Variants in RTN4RL1 observed in about 807,000 individuals in gnomAD.
RTN4RL1 encodes reticulon-4 receptor-like 1.
In RTN4RL1, 7 loss-of-function variants were observed where a neutral mutation model predicts 25.6. That is an observed-to-expected ratio of 0.27 (90% confidence interval 0.16 to 0.51). The LOEUF (loss-of-function observed/expected upper bound fraction) is 0.51. Ranked by LOEUF, RTN4RL1 falls within the 20% of genes least tolerant of loss-of-function variation. The pLI is 0.97. For missense variants in RTN4RL1, 500 were observed against 615.6 expected (o/e 0.81, Z 1.99); for synonymous variants, 297 against 288.2 (o/e 1.03, Z -0.31).
chr17:1,936,430 A>C lies in RTN4RL1; in HGVS notation c.*66T>G. On this transcript the variant is annotated 3_prime_UTR_variant, in exon 2 of 2. Transcript: ENST00000331238. ...CAGCAGATCTTCCACTTGTTAAAAAAAGAAGAAAATAAATTCTGTTCCTTG... is the reference window on the plus strand; with the variant it reads ...CAGCAGATCTTCCACTTGTTAAAAACAGAAGAAAATAAATTCTGTTCCTTG... The C allele has an allele frequency of 1.4e-6, 2 of 1,468,752 alleles. No individual in the cohort carries two copies. Among genetic ancestry groups the C allele is most frequent in the South Asian group, 2.7e-5 (2 of 73,766 alleles). The allele number at this position is 1,468,752 out of a possible 1,614,324, so 91.0% of individuals were successfully genotyped here.
At chr17:1,939,427 T>C (rs1488830805) in intron 1 of RTN4RL1, among the ~76,000 whole-genome samples, 2 of 152,102 alleles carry the variant, frequency 1.3e-5, no homozygotes, top group Non-Finnish European at 2.9e-5. Flanking sequence ...CTGGCAGAGC[T>C]GTGTGGATGT....
intron 1 of RTN4RL1, among the ~76,000 whole-genome samples, chr17:1,955,085 G>A (rs1173700689): frequency 6.6e-6 from 1 of 151,968 alleles, no homozygotes; most frequent in Non-Finnish European, 1.5e-5. Context: ...CCTGAGCGCC[G>A]CCCTTTCACT....
At chr17:1,991,455 A>C (rs1223158069) in intron 1 of RTN4RL1, among the ~76,000 whole-genome samples, 3 of 144,590 alleles carry the variant, frequency 2.1e-5, no homozygotes, top group African/African-American at 7.8e-5. Flanking sequence ...GTAAAAAAAA[A>C]AAAAAAAACA....
chr17:2,016,667 G>T (rs2151329052), intron 1 of RTN4RL1, among the ~76,000 whole-genome samples: 1 of 152,380 alleles, frequency 6.6e-6, no homozygotes, highest in East Asian at 1.9e-4. Flanking sequence ...GAGAGACGCA[G>T]CGTGTGGCAT....
chr17:2,012,205 A>G (rs2067058799), intron 1 of RTN4RL1, among the ~76,000 whole-genome samples: 2 of 152,196 alleles, frequency 1.3e-5, no homozygotes. Flanking sequence ...TTTTGTTCCA[A>G]ACACATCTGC....
intron 1 of RTN4RL1, among the ~76,000 whole-genome samples, chr17:1,966,295 G>C (rs2066791049): frequency 6.6e-6 from 1 of 152,234 alleles, no homozygotes; most frequent in South Asian, 2.1e-4. Context: ...TGTGTGTTGA[G>C]CTGTTACCTG....
intron 1 of RTN4RL1, among the ~76,000 whole-genome samples, chr17:1,949,513 C>T (rs903833431): frequency 6.6e-6 from 1 of 152,216 alleles, no homozygotes; most frequent in Admixed American, 6.5e-5. Context: ...CTGCCAGGGT[C>T]CTTGTTCCCC....
At chr17:1,938,561 G>GT (rs1915364280) in intron 1 of RTN4RL1, among the ~76,000 whole-genome samples, 1 of 151,752 alleles carries the variant, frequency 6.6e-6, no homozygotes, top group South Asian at 2.1e-4. Context: ...GCCTCCCAAA[G>GT]TGCTGGGATT....
At chr17:2,010,383 A>T (rs1167289261) in intron 1 of RTN4RL1, among the ~76,000 whole-genome samples, 1 of 152,158 alleles carries the variant, frequency 6.6e-6, no homozygotes, top group Non-Finnish European at 1.5e-5. Flanking sequence ...AGGCTGAGGC[A>T]CGAGAATCGC....
In RTN4RL1 at chr17:1,995,191, C is replaced by T. The variant is rs535212643; in HGVS notation, c.13+29662G>A. On this transcript the variant is annotated intron_variant, in intron 1 of 1. Transcript: ENST00000331238. ...AGCACTTTGGGAGGCCAAGGGAGGC[C>T]AAGGCGGGTGGATCACCTGAGGACA... Among the ~76,000 whole-genome samples the T allele has an allele frequency of 1.1e-4, 16 of 152,216 alleles. No homozygotes were observed. The East Asian group carries it at 3.1e-3, about 29-fold the overall frequency.
At chr17:1,978,832 C>T (rs957686235) in intron 1 of RTN4RL1, among the ~76,000 whole-genome samples, 4 of 152,352 alleles carry the variant, frequency 2.6e-5, no homozygotes, top group Admixed American at 6.5e-5. Flanking sequence ...AGCTCCCCAC[C>T]ACACCCCACT....
chr17:2,002,723 A>T (rs1041997706), intron 1 of RTN4RL1, among the ~76,000 whole-genome samples: 1 of 151,382 alleles, frequency 6.6e-6, no homozygotes. Flanking sequence ...AGATTGTGAC[A>T]TGGCTAGCTT....
intron 1 of RTN4RL1, among the ~76,000 whole-genome samples, chr17:1,968,609 C>T (rs1016110051): frequency 6.6e-6 from 1 of 152,302 alleles, no homozygotes; most frequent in African/African-American, 2.4e-5. Context: ...AGCTAATGTT[C>T]CCTGCATGTG....
chr17:1,994,096 C>A lies in RTN4RL1; in HGVS notation c.13+30757G>T, dbSNP rs2066920275. ...CCTCAGGACACGTGCACTCGAACCT[C>A]GCCGCTCCGGGTCCCAATCTGTGGA... On this transcript the variant is annotated intron_variant, in intron 1 of 1. Coordinates refer to ENST00000331238, the MANE Select transcript of RTN4RL1 (RefSeq NM_178568.4). This position sits in a 1 kb window ranked among gnomAD's most constrained non-coding sequence, Gnocchi z 4.3. Among the ~76,000 whole-genome samples, 1 of 152,134 alleles carries A rather than the reference C, an allele frequency of 6.6e-6. No homozygotes were observed. The highest frequency in any genetic ancestry group is 1.5e-5 in the Non-Finnish European group (1 of 68,030).
At chr17:1,949,258 G>A (rs573363835) in intron 1 of RTN4RL1, among the ~76,000 whole-genome samples, 5 of 151,896 alleles carry the variant, frequency 3.3e-5, no homozygotes, top group Non-Finnish European at 1.5e-5. Context: ...ACCGTGCCTG[G>A]CCTAATTTTT....
chr17:1,944,378 T>C (rs1215358560), intron 1 of RTN4RL1, among the ~76,000 whole-genome samples: 2 of 152,174 alleles, frequency 1.3e-5, no homozygotes, highest in Non-Finnish European at 2.9e-5. Flanking sequence ...AGCTCTGCTC[T>C]TCCCCCACAA....
At chr17:2,022,052 C>A (rs1653166837) in intron 1 of RTN4RL1, among the ~76,000 whole-genome samples, 1 of 151,272 alleles carries the variant, frequency 6.6e-6, no homozygotes, top group Non-Finnish European at 1.5e-5. Context: ...CAGTGACTCA[C>A]ACCTGTAATC....
At chr17:1,955,485 G>T (rs986155555) in intron 1 of RTN4RL1, among the ~76,000 whole-genome samples, 4 of 151,776 alleles carry the variant, frequency 2.6e-5, no homozygotes, top group African/African-American at 4.8e-5. Flanking sequence ...GAGCCCGGGA[G>T]GTCAAGGCTG....
In RTN4RL1 at chr17:1,937,180, G is replaced by T. The variant is rs1357881333; in HGVS notation, c.642C>A (p.His214Gln). The T allele has an allele frequency of 3.1e-6, 5 of 1,612,272 alleles. No homozygotes were observed. The African/African-American group carries it at 6.7e-5, about 22-fold the overall frequency. The change falls in exon 2 of 2, where the codon CAC (histidine) becomes CAA (glutamine). Residue 214 changes from histidine (H) to glutamine (Q), a missense_variant. Around this residue, in one of 2 missense-constraint regions of RTN4RL1, gnomAD observed 232 missense variants for 341.1 expected, o/e 0.68. Coordinates refer to ENST00000331238, the MANE Select transcript of RTN4RL1 (RefSeq NM_178568.4). ...GCCTGCGGAGGTCGTGGAACGCCTT[G>T]TGGTGGACCCACTGCAGCTGGTTCT... The part of the protein sequence containing the change: ...LHENQLQWVH[H>Q]KAFHDLRRLT...
Sources: gnomAD v4.1 joint callset for allele counts (sites outside exome capture counted in the v4.1 genomes callset) on GRCh38, gnomAD v4.1.1 for gene constraint, gnomAD v4.1.1 regional missense constraint, Gnocchi (gnomAD v3.1) non-coding constraint, MANE v1.5 for transcripts, NCBI Gene and HGNC (gene_info 2026-07-23, HGNC 2026-07-21) for gene names.